Variants in EML5 observed in about 807,000 individuals in gnomAD.
The protein encoded by EML5 is echinoderm microtubule-associated protein-like 5.
In EML5, 120 loss-of-function variants were observed where a neutral mutation model predicts 250.0. The ratio of observed to expected loss-of-function variants is 0.48; its 90% CI spans 0.41 to 0.56. The LOEUF is 0.56. Among genes scored for constraint, EML5 ranks in the 20% least tolerant of loss-of-function variants. EML5 has a pLI of 0.00. For synonymous variants in EML5, 771 were observed against 806.5 expected (o/e 0.96, Z 0.75); for missense variants, 2,006 against 2,437.6 (o/e 0.82, Z 3.73).
intron 27 of EML5, among the ~76,000 whole-genome samples, chr14:88,654,669 T>C (rs1410226618): frequency 6.6e-6 from 1 of 152,206 alleles, no homozygotes; most frequent in South Asian, 2.1e-4. Context: ...TTCTGTTCTT[T>C]TGCATTTGCT....
chr14:88,735,275 G>A (rs568506043), intron 7 of EML5, among the ~76,000 whole-genome samples: 359 of 152,208 alleles, frequency 2.4e-3, no homozygotes, highest in Middle Eastern at 0.017. Context: ...GATGTTGCTC[G>A]TCTAGGAACC....
intron 34 of EML5, chr14:88,627,328 T>C (rs1419760492): frequency 2.2e-6 from 1 of 464,546 alleles, no homozygotes; most frequent in Non-Finnish European, 3.8e-6. Context: ...ATTAGAAATA[T>C]ACATAATTTT....
intron 21 of EML5, among the ~76,000 whole-genome samples, chr14:88,676,436 G>A (rs1034815496): frequency 9.9e-5 from 15 of 152,136 alleles, no homozygotes; most frequent in East Asian, 1.9e-4. Flanking sequence ...TCACTATCAC[G>A]AGAACAGCAC....
At position 88,695,175 on chromosome 14, in the gene EML5, G is replaced by A. The variant is rs558682519; in HGVS notation, c.2438+186C>T. On this transcript the variant is annotated intron_variant, in intron 16 of 43. Coordinates refer to ENST00000554922, the MANE Select transcript of EML5 (RefSeq NM_183387.3). ...TTATATTTAAAAGTGGGTTCACAAG[G>A]GATAAATCTACAAAGAAATTCTGAA... Among the ~76,000 whole-genome samples, 95 of 151,448 alleles carry A rather than the reference G, an allele frequency of 6.3e-4. 1 individual carries two copies. The East Asian group carries it at 0.016, about 25-fold the overall frequency.
chr14:88,719,467 C>A (rs903182870), intron 8 of EML5, among the ~76,000 whole-genome samples: 6 of 152,180 alleles, frequency 3.9e-5, no homozygotes, highest in Non-Finnish European at 8.8e-5. Flanking sequence ...CTTACTCCAT[C>A]TTCAGCATAA....
In EML5 at chr14:88,614,061, TAC is replaced by T. The variant is rs1334046290; in HGVS notation, c.*1755_*1756del. ...TCTATGTAGTTTACATGCTTAAGGT[TAC>T]AGAGTTTCTACCTGCACTGTAATGG... On this transcript the variant is annotated 3_prime_UTR_variant, in exon 44 of 44. Transcript: ENST00000554922. The T allele has an allele frequency of 6.6e-6, 1 of 152,226 alleles. No individual in the cohort carries two copies. The highest frequency in any genetic ancestry group is 1.5e-5 in the Non-Finnish European group (1 of 68,042). 9.4% of individuals were successfully genotyped at this position (152,226 alleles called of 1,614,324 possible).
At chr14:88,705,002 AAT>A (rs1287220611) in intron 12 of EML5, 24 bp from the exon 13 acceptor site, 9 of 1,509,752 alleles carry the variant, frequency 6.0e-6, no homozygotes, top group Non-Finnish European at 4.6e-6. Flanking sequence ...TACAAGTAGA[AAT>A]ATTCTTAGAA....
At chr14:88,652,081 G>A (rs1473163219) in intron 27 of EML5, among the ~76,000 whole-genome samples, 4 of 152,052 alleles carry the variant, frequency 2.6e-5, no homozygotes, top group African/African-American at 4.8e-5. Context: ...TGCACTATAC[G>A]ATGCTGCATT....
chr14:88,710,245 G>C (rs1458618000), intron 10 of EML5, among the ~76,000 whole-genome samples: 4 of 152,192 alleles, frequency 2.6e-5, no homozygotes, highest in African/African-American at 4.8e-5. Context: ...TGAAATTAAA[G>C]TGCAGTATGT....
In EML5 at chr14:88,627,049, G is replaced by A; in HGVS notation, c.4532-3C>T. The A allele has an allele frequency of 6.2e-7, 1 of 1,613,466 alleles. No individual in the cohort carries two copies. The highest frequency in any genetic ancestry group is 8.5e-7 in the Non-Finnish European group (1 of 1,179,820). On this transcript the variant is annotated splice_polypyrimidine_tract_variant and splice_region_variant and intron_variant, in intron 34 of 43. Transcript: ENST00000554922. Reference sequence around the variant, plus strand: ...AGCTCTGCTGGCAATTTTGGCACCTGACAAGATACAACAAAATTATCTAGG... The same window carrying A: ...AGCTCTGCTGGCAATTTTGGCACCTAACAAGATACAACAAAATTATCTAGG...
intron 1 of EML5, among the ~76,000 whole-genome samples, chr14:88,790,293 C>T (rs1246425993): frequency 6.6e-6 from 1 of 152,134 alleles, no homozygotes; most frequent in Non-Finnish European, 1.5e-5. Context: ...CATTGTTATA[C>T]ATTAAAGATG....
At chr14:88,740,736 G>A (rs1595736792) in intron 4 of EML5, among the ~76,000 whole-genome samples, 164 bp from the exon 5 acceptor site, 1 of 152,140 alleles carries the variant, frequency 6.6e-6, no homozygotes, top group African/African-American at 2.4e-5. Flanking sequence ...TCCTAGTGCT[G>A]TCAAAAGCTA....
At chr14:88,659,178 G>C (rs548616666) in intron 25 of EML5, among the ~76,000 whole-genome samples, 1 of 151,892 alleles carries the variant, frequency 6.6e-6, no homozygotes, top group South Asian at 2.1e-4. Context: ...GTTAAAATGA[G>C]AGATGTCTTA....
intron 25 of EML5, among the ~76,000 whole-genome samples, chr14:88,659,253 T>G (rs76167640): frequency 6.6e-6 from 1 of 151,762 alleles, no homozygotes; most frequent in East Asian, 1.9e-4. Context: ...TTTTTTTTTT[T>G]GATACTGGAA....
At chr14:88,760,714 G>C (rs1467242365) in intron 1 of EML5, among the ~76,000 whole-genome samples, 1 of 152,080 alleles carries the variant, frequency 6.6e-6, no homozygotes, top group Non-Finnish European at 1.5e-5. Context: ...ATTATGATTA[G>C]AATTGTATTA....
intron 1 of EML5, among the ~76,000 whole-genome samples, chr14:88,758,649 T>C (rs1372816331): frequency 6.6e-6 from 1 of 152,238 alleles, no homozygotes; most frequent in Non-Finnish European, 1.5e-5. Flanking sequence ...AGTTACCGTA[T>C]GATCCAGCAA....
At chr14:88,655,129 T>C (rs1215511941) in intron 27 of EML5, among the ~76,000 whole-genome samples, 1 of 152,114 alleles carries the variant, frequency 6.6e-6, no homozygotes, top group Non-Finnish European at 1.5e-5. Context: ...TGAACTACTG[T>C]AAATTTCATA....
At position 88,664,572 on chromosome 14, in the gene EML5, G is replaced by A; in HGVS notation, c.3330C>T (p.Tyr1110=). 6.2e-7 allele frequency: 1 copy of A among 1,610,524 alleles called. No homozygotes were observed. Among genetic ancestry groups the A allele is most frequent in the Middle Eastern group, 1.7e-4 (1 of 5,952 alleles). The change falls in exon 23 of 44, where the codon TAC becomes TAT. Residue 1110 remains tyrosine (Y), a synonymous_variant. Transcript: ENST00000554922. ...VASHDSFIDI[Y]NVMSSKRVGI... The stretch of plus-strand genomic sequence containing the variant: ...CTACTCGTTTACTACTCATTACATT[G>A]TATATATCTATAAAGCTGTCATGGG...
intron 8 of EML5, among the ~76,000 whole-genome samples, chr14:88,722,015 G>A (rs2093597556): frequency 6.6e-6 from 1 of 152,136 alleles, no homozygotes; most frequent in Non-Finnish European, 1.5e-5. Flanking sequence ...ATGAAAAAAA[G>A]CTCAACATCA....
Sources: gnomAD v4.1 joint callset for allele counts (sites outside exome capture counted in the v4.1 genomes callset) on GRCh38, gnomAD v4.1.1 for gene constraint, MANE v1.5 for transcripts, NCBI Gene and HGNC (gene_info 2026-07-23, HGNC 2026-07-21) for gene names.